Variants in FKBP1C observed in about 807,000 individuals in gnomAD.
FKBP1C encodes peptidyl-prolyl cis-trans isomerase FKBP1C.
FKBP1C carries 7 observed loss-of-function variants against 7.1 expected under a neutral mutation model. The observed-to-expected ratio is 0.99, with a 90% CI of 0.56 to 1.86. FKBP1C has a LOEUF of 1.86. Among genes scored for constraint, FKBP1C ranks in the 40% most tolerant of loss-of-function variants. FKBP1C has a pLI of 0.00. For missense variants in FKBP1C, 159 were observed against 139.9 expected (o/e 1.14, Z -0.69); for synonymous variants, 56 against 51.2 (o/e 1.09, Z -0.40).
exon 1 of FKBP1C, chr6:63,212,174 T>C (rs1444107622): frequency 5.3e-6 from 3 of 570,584 alleles, no homozygotes; most frequent in African/African-American, 3.8e-5. Flanking sequence ...TTTCAGTCTT[T>C]TGAATATAGG....
Position 63,211,640 on chromosome 6 carries a change from C to T in FKBP1C, c.84C>T (p.Thr28=), listed in dbSNP as rs561159358. Residue 28 remains threonine (T), a synonymous_variant, in exon 1 of 1, where the codon ACC becomes ACT. Transcript: ENST00000370659. The stretch of plus-strand genomic sequence containing the variant: ...GCCAGACCTGCGTGATGCACTACAC[C>T]GGGATGCTTGAAGATGGAAAGAAAT... 2.7e-5 allele frequency: 44 copies of T among 1,613,672 alleles called. 2 individuals are homozygous for T. Among genetic ancestry groups the T allele is most frequent in the East Asian group, 1.8e-4 (8 of 44,866 alleles).
exon 1 of FKBP1C, chr6:63,212,192 T>C: frequency 1.9e-6 from 1 of 537,682 alleles, no homozygotes; most frequent in African/African-American, 1.9e-5. Context: ...AGGTTTCCAA[T>C]TAAGTACATG....
exon 1 of FKBP1C, chr6:63,211,813 C>A (rs1561983973): frequency 1.2e-6 from 2 of 1,612,526 alleles, no homozygotes; most frequent in Non-Finnish European, 1.7e-6. Flanking sequence ...TATGGTGCCA[C>A]TGGGCACCCA....
At chr6:63,211,933 G>GCACCA in exon 1 of FKBP1C, 6 of 1,598,230 alleles carry the variant, frequency 3.8e-6, no homozygotes, top group Non-Finnish European at 5.1e-6. Context: ...TGCCATGGAG[G>GCACCA]GATCTGGTGC....
At chr6:63,211,661 G>T (rs756668840) in exon 1 of FKBP1C, 8 of 1,614,026 alleles carry the variant, frequency 5.0e-6, no homozygotes, top group African/African-American at 2.7e-5. Flanking sequence ...AAGATGGAAA[G>T]AAATTTGATT....
chr6:63,211,847 T>G, exon 1 of FKBP1C: 1 of 1,612,922 alleles, frequency 6.2e-7, no homozygotes, highest in Non-Finnish European at 8.5e-7. Context: ...CACATGCCAC[T>G]CTCGTCTTCG....
exon 1 of FKBP1C, chr6:63,211,496 A>G (rs1179715035): frequency 1.8e-5 from 12 of 665,504 alleles, no homozygotes; most frequent in Non-Finnish European, 3.2e-5. Flanking sequence ...AACCGCCGCC[A>G]GGTCGCTGTC....
At chr6:63,211,692 C>A (rs1234174865) in exon 1 of FKBP1C, 3 of 1,614,004 alleles carry the variant, frequency 1.9e-6, no homozygotes, top group Non-Finnish European at 1.7e-6. Context: ...CAGAAACAAG[C>A]CCTTTAAGTT....
chr6:63,212,025 A>T, exon 1 of FKBP1C: 1 of 946,314 alleles, frequency 1.1e-6, no homozygotes. Flanking sequence ...CCCCAACTGA[A>T]TGTGTTCTGT....
chr6:63,212,837 G>C (rs554979774), exon 1 of FKBP1C: 1 of 166,636 alleles, frequency 6.0e-6, no homozygotes, highest in African/African-American at 2.4e-5. Context: ...CCTGTTTTTT[G>C]ATGCTTGGCT....
exon 1 of FKBP1C, chr6:63,211,958 A>G (rs965824371): frequency 5.9e-6 from 9 of 1,517,496 alleles, no homozygotes; most frequent in Non-Finnish European, 7.3e-6. Flanking sequence ...AGACGTGTGC[A>G]CATAAATCCA....
exon 1 of FKBP1C, chr6:63,212,014 G>A (rs1766112269): frequency 9.2e-7 from 1 of 1,085,394 alleles, no homozygotes; most frequent in Non-Finnish European, 1.4e-6. Flanking sequence ...ATAGACATCT[G>A]CCCCAACTGA....
At chr6:63,211,699 AGTTTAT>A (rs779817932) in exon 1 of FKBP1C, 2 of 1,614,028 alleles carry the variant, frequency 1.2e-6, no homozygotes, top group Non-Finnish European at 1.7e-6. Context: ...AAGCCCTTTA[AGTTTAT>A]GCTAGGCAAG....
exon 1 of FKBP1C, chr6:63,211,691 G>T (rs1410966937): frequency 7.4e-6 from 12 of 1,613,926 alleles, no homozygotes; most frequent in Non-Finnish European, 1.0e-5. Context: ...ACAGAAACAA[G>T]CCCTTTAAGT....
rs1451597722 is a variant in FKBP1C, at chr6:63,212,021, C to G, written c.*138C>G. The G allele has an allele frequency of 4.2e-6, 4 of 957,496 alleles. No homozygotes were observed. In the Admixed American group the frequency reaches 6.4e-5, roughly 15 times the overall value. 59.3% of individuals were successfully genotyped at this position (957,496 alleles called of 1,614,324 possible). ...CACTTTGTATAGACATCTGCCCCAA[C>G]TGAATGTGTTCTGTCACTCAGCTTT... On this transcript the variant is annotated 3_prime_UTR_variant, in exon 1 of 1. Transcript: ENST00000370659.
exon 1 of FKBP1C, chr6:63,212,202 G>C: frequency 2.0e-6 from 1 of 512,594 alleles, no homozygotes; most frequent in South Asian, 2.5e-5. Flanking sequence ...TTAAGTACAT[G>C]GTCAAGTGTT....
exon 1 of FKBP1C, chr6:63,212,891 C>T (rs1386783308): frequency 1.2e-5 from 2 of 167,044 alleles, no homozygotes; most frequent in South Asian, 2.1e-4. Flanking sequence ...CTCCCTCAGC[C>T]ACTTCTCACC....
At chr6:63,211,561 G>A (rs1280912178) in exon 1 of FKBP1C, 1 of 1,337,694 alleles carries the variant, frequency 7.5e-7, no homozygotes, top group Non-Finnish European at 1.1e-6. Flanking sequence ...GCCGCCATGG[G>A]AGTGCACGTG....
chr6:63,212,961 C>T (rs1457248608), exon 1 of FKBP1C: 1 of 166,386 alleles, frequency 6.0e-6, no homozygotes, highest in Non-Finnish European at 1.5e-5. Context: ...CTTCCCCTAG[C>T]ACCATATATG....
Sources: gnomAD v4.1 joint callset for allele counts on GRCh38, gnomAD v4.1.1 for gene constraint, MANE v1.5 for transcripts, NCBI Gene and HGNC (gene_info 2026-07-23, HGNC 2026-07-21) for gene names.